The following NCMAP variants were observed in gnomAD, a reference collection of about 807,000 sequenced individuals.
The protein encoded by NCMAP is noncompact myelin-associated protein.
In NCMAP, 8 loss-of-function variants were observed where a neutral mutation model predicts 7.8. The ratio of observed to expected loss-of-function variants is 1.02; its 90% confidence interval spans 0.60 to 1.84. The LOEUF is 1.84. Among genes scored for constraint, NCMAP ranks in the 40% most tolerant of loss-of-function variants. The pLI is 0.00. For synonymous variants in NCMAP, 41 were observed against 52.9 expected, an observed-to-expected ratio of 0.78 and a Z score of 0.98; for missense variants, 112 against 131.4, an observed-to-expected ratio of 0.85 and a Z score of 0.72.
intron 2 of NCMAP, among the ~76,000 whole-genome samples, chr1:24,596,108 C>T (rs1310600811): frequency 6.6e-6 from 1 of 151,922 alleles, no homozygotes; most frequent in African/African-American, 2.4e-5. Flanking sequence ...ATAGTGAAAC[C>T]CCATCTCTAC....
At chr1:24,577,227 A>G (rs2148929666) in intron 1 of NCMAP, among the ~76,000 whole-genome samples, 1 of 152,216 alleles carries the variant, frequency 6.6e-6, no homozygotes, top group East Asian at 1.9e-4. Flanking sequence ...TCATATTAAA[A>G]TGCAGATACT....
At chr1:24,571,944 T>G (rs1322788169) in intron 1 of NCMAP, among the ~76,000 whole-genome samples, 1 of 150,916 alleles carries the variant, frequency 6.6e-6, no homozygotes, top group African/African-American at 2.5e-5. Flanking sequence ...GTCTTTGTAA[T>G]TCCATGGGCA....
chr1:24,602,738 GAA>G (rs879803450), intron 3 of NCMAP, among the ~76,000 whole-genome samples: 4 of 143,672 alleles, frequency 2.8e-5, no homozygotes, highest in African/African-American at 7.6e-5. Flanking sequence ...CCTGTCTCTG[GAA>G]AAAAAAAAAA....
At chr1:24,575,861 C>T (rs1356325466) in intron 1 of NCMAP, among the ~76,000 whole-genome samples, 3 of 137,608 alleles carry the variant, frequency 2.2e-5, no homozygotes, top group Non-Finnish European at 3.0e-5. Flanking sequence ...AGGAGAATTG[C>T]TTGAACCCAG....
At position 24,571,984 on chromosome 1, in the gene NCMAP, A is replaced by G. The variant is rs545089137; in HGVS notation, c.-8+15815A>G. ...GCACTTAAAATACATTGTAACTCAC[A>G]GCAGCCACATTTCCGAGGCTCAAAT... On this transcript the variant is annotated intron_variant, in intron 1 of 3. Coordinates refer to ENST00000374392, the MANE Select transcript of NCMAP (RefSeq NM_001010980.5). Among the ~76,000 whole-genome samples, 75 of 151,078 alleles carry G rather than the reference A, an allele frequency of 5.0e-4. 5 individuals are homozygous for G. Among genetic ancestry groups the G allele is most frequent in the African/African-American group, 1.8e-3 (73 of 40,334 alleles).
rs142505514 is a variant in NCMAP, at chr1:24,607,310, A to G, written c.*1563A>G. 2 of 152,090 alleles carry G rather than the reference A, an allele frequency of 1.3e-5. No individual in the cohort carries two copies. The highest frequency in any genetic ancestry group is 1.3e-4 in the Admixed American group (2 of 15,260). The allele number at this position is 152,090 out of a possible 1,614,324, so 9.4% of individuals were successfully genotyped here. On this transcript the variant is annotated 3_prime_UTR_variant, in exon 4 of 4. Coordinates refer to ENST00000374392, the MANE Select transcript of NCMAP (RefSeq NM_001010980.5). The stretch of plus-strand genomic sequence containing the variant: ...ACTATGGTGCCCAGCCTAGGAGCCA[A>G]CATTATTATTATTATAGGCTTTTTT...
chr1:24,557,731 T>G (rs1403428154), intron 1 of NCMAP, among the ~76,000 whole-genome samples: 1 of 152,212 alleles, frequency 6.6e-6, no homozygotes, highest in Non-Finnish European at 1.5e-5. Flanking sequence ...GACCCCTTCA[T>G]GGCCTGTGGC....
intron 1 of NCMAP, among the ~76,000 whole-genome samples, chr1:24,586,272 C>G (rs1651878049): frequency 1.3e-5 from 2 of 152,126 alleles, no homozygotes; most frequent in South Asian, 4.1e-4. Flanking sequence ...TTTAGCCACC[C>G]AGGAGGAGCG....
chr1:24,560,305 A>C (rs933449250), intron 1 of NCMAP, among the ~76,000 whole-genome samples: 2 of 152,036 alleles, frequency 1.3e-5, no homozygotes, highest in Admixed American at 1.3e-4. Context: ...TCATTTGTTC[A>C]TTCACTCAGC....
intron 2 of NCMAP, among the ~76,000 whole-genome samples, chr1:24,600,401 A>C (rs1570540566): frequency 6.6e-6 from 1 of 151,532 alleles, no homozygotes; most frequent in East Asian, 1.9e-4. Flanking sequence ...TGATCCTCCC[A>C]CCCCATCCTC....
chr1:24,590,000 A>G (rs146752883), intron 1 of NCMAP, among the ~76,000 whole-genome samples: 2 of 151,814 alleles, frequency 1.3e-5, no homozygotes, highest in Non-Finnish European at 2.9e-5. Flanking sequence ...CTAATTTTCC[A>G]TGTTGGCCAG....
At chr1:24,589,291 G>A (rs1302901492) in intron 1 of NCMAP, among the ~76,000 whole-genome samples, 1 of 147,968 alleles carries the variant, frequency 6.8e-6, no homozygotes, top group African/African-American at 2.7e-5. Flanking sequence ...TCTTAGGGAC[G>A]TTTGATACTG....
chr1:24,571,432 G>A (rs745921990), intron 1 of NCMAP, among the ~76,000 whole-genome samples: 4 of 148,510 alleles, frequency 2.7e-5, no homozygotes, highest in African/African-American at 1.0e-4. Context: ...TGGAGATCAC[G>A]CCATTGGACT....
At chr1:24,569,090 G>A (rs1651313000) in intron 1 of NCMAP, among the ~76,000 whole-genome samples, 1 of 151,570 alleles carries the variant, frequency 6.6e-6, no homozygotes, top group South Asian at 2.1e-4. Flanking sequence ...AACCTCTGGG[G>A]TCAAGCAATT....
At chr1:24,591,593 C>A (rs2148934338) in intron 1 of NCMAP, among the ~76,000 whole-genome samples, 1 of 152,302 alleles carries the variant, frequency 6.6e-6, no homozygotes, top group Middle Eastern at 3.4e-3. Flanking sequence ...AGGCTACGCT[C>A]TTTTTCTTGG....
intron 2 of NCMAP, among the ~76,000 whole-genome samples, chr1:24,597,639 G>GAA (rs1199084121): frequency 3.4e-5 from 4 of 117,636 alleles, no homozygotes; most frequent in Admixed American, 1.7e-4. Context: ...AAGAAAGAAA[G>GAA]AAAGAAAGAA....
In NCMAP at chr1:24,607,914, A is replaced by G. The variant is rs1185722396; in HGVS notation, c.*2167A>G. 1.3e-5 allele frequency: 2 copies of G among 152,264 alleles called. No homozygotes were observed. The highest frequency in any genetic ancestry group is 2.9e-5 in the Non-Finnish European group (2 of 68,068). 9.4% of individuals were successfully genotyped at this position (152,264 alleles called of 1,614,324 possible). On this transcript the variant is annotated 3_prime_UTR_variant, in exon 4 of 4. Transcript: ENST00000374392. ...GGAAATCAAGAGTCAGGGAGGTAAG[A>G]GGTCTTACCCAGGGTCACACAGCTC... is the stretch of plus-strand genomic sequence containing the variant.
At chr1:24,560,199 G>T (rs949796768) in intron 1 of NCMAP, among the ~76,000 whole-genome samples, 1 of 147,968 alleles carries the variant, frequency 6.8e-6, no homozygotes, top group African/African-American at 2.5e-5. Flanking sequence ...GTTTCCCTTT[G>T]CCTCTGAAGA....
chr1:24,565,334 C>G (rs1399372097), intron 1 of NCMAP, among the ~76,000 whole-genome samples: 4 of 151,836 alleles, frequency 2.6e-5, no homozygotes, highest in Admixed American at 2.6e-4. Context: ...ATCCAGGGAC[C>G]TGGAAGCTGA....
Sources: allele counts gnomAD v4.1 joint callset (sites outside exome capture counted in the v4.1 genomes callset), GRCh38; gene constraint gnomAD v4.1.1; transcripts MANE v1.5; gene names NCBI Gene and HGNC (gene_info 2026-07-23, HGNC 2026-07-21).